SCAPER: variants seen among roughly 807,000 people sequenced by gnomAD.
The protein encoded by SCAPER is S phase cyclin A-associated protein in the endoplasmic reticulum.
A neutral mutation model predicts 182.2 loss-of-function variants in SCAPER; 98 were observed. The ratio of observed to expected loss-of-function variants is 0.54; its 90% CI spans 0.46 to 0.64. SCAPER has a LOEUF of 0.64. Ranked by LOEUF, SCAPER falls within the 30% of genes least tolerant of loss-of-function variation. SCAPER has a pLI of 0.00. For synonymous variants in SCAPER, 605 were observed against 564.6 expected (o/e 1.07, Z -1.01); for missense variants, 1,432 against 1,690.0 (o/e 0.85, Z 2.68).
rs376782412 is a variant in SCAPER, at chr15:76,872,527, G to A, written c.7-9994C>T. Among the ~76,000 whole-genome samples the A allele has an allele frequency of 1.1e-4, 16 of 151,918 alleles. No homozygotes were observed. In the East Asian group the frequency reaches 2.1e-3, roughly 20 times the overall value. The stretch of plus-strand genomic sequence containing the variant: ...TTTCCAACAAACGGACATGATAAAC[G>A]TCAGTAAACAGTGGAGCACCTTTAA... On this transcript the variant is annotated intron_variant, in intron 2 of 31. Transcript: ENST00000563290.
chr15:76,876,332 G>C (rs112405936), intron 2 of SCAPER, among the ~76,000 whole-genome samples: 1,796 of 151,746 alleles, frequency 0.012, 23 homozygotes, highest in African/African-American at 0.04. Context: ...GAGGCACCAA[G>C]AGTGAGCGAG....
chr15:76,491,002 A>G (rs2052243118), intron 24 of SCAPER, among the ~76,000 whole-genome samples: 1 of 152,188 alleles, frequency 6.6e-6, no homozygotes, highest in Non-Finnish European at 1.5e-5. Context: ...TAAGGACTAG[A>G]AGAGGCAGAG....
At chr15:76,439,094 T>C (rs915672159) in intron 25 of SCAPER, among the ~76,000 whole-genome samples, 1 of 152,094 alleles carries the variant, frequency 6.6e-6, no homozygotes, top group South Asian at 2.1e-4. Flanking sequence ...ATGATTTTTT[T>C]TTTTTTAAGA....
intron 5 of SCAPER, among the ~76,000 whole-genome samples, chr15:76,814,133 G>A (rs371502517): frequency 5.3e-5 from 8 of 151,972 alleles, no homozygotes; most frequent in Non-Finnish European, 7.4e-5. Context: ...ACGCCACCGC[G>A]CTCCAGCCTG....
intron 8 of SCAPER, among the ~76,000 whole-genome samples, chr15:76,785,506 G>T (rs1016506248): frequency 6.6e-6 from 1 of 152,158 alleles, no homozygotes; most frequent in African/African-American, 2.4e-5. Flanking sequence ...AATACCACTT[G>T]CCCAGCAATC....
chr15:76,678,482 C>T (rs2146959769), intron 20 of SCAPER, among the ~76,000 whole-genome samples: 1 of 152,130 alleles, frequency 6.6e-6, no homozygotes, highest in South Asian at 2.1e-4. Flanking sequence ...AGCACGACAA[C>T]AAATAAGATA....
chr15:76,798,141 C>T (rs1333589921), intron 7 of SCAPER, among the ~76,000 whole-genome samples: 4 of 152,094 alleles, frequency 2.6e-5, no homozygotes, highest in Non-Finnish European at 5.9e-5. Flanking sequence ...GGGTGGATCA[C>T]TTGAGGTCAG....
intron 29 of SCAPER, among the ~76,000 whole-genome samples, chr15:76,357,146 G>GACCACACAC (rs1283097202): frequency 2.8e-5 from 1 of 36,208 alleles, no homozygotes; most frequent in Non-Finnish European, 7.5e-5. Flanking sequence ...CCTTTTTATT[G>GACCACACAC]ACATCACACA....
chr15:76,722,907 T>A (rs1026428455), intron 17 of SCAPER, among the ~76,000 whole-genome samples: 1 of 152,058 alleles, frequency 6.6e-6, no homozygotes, highest in South Asian at 2.1e-4. Context: ...TTTTGAAGGG[T>A]TTTTTTGTGT....
intron 22 of SCAPER, among the ~76,000 whole-genome samples, chr15:76,610,662 G>C (rs2050896260): frequency 6.6e-6 from 1 of 151,822 alleles, no homozygotes; most frequent in Non-Finnish European, 1.5e-5. Context: ...AGGGAAATTG[G>C]AATAACAATT....
chr15:76,797,667 C>T (rs1482961547), intron 7 of SCAPER: 2 of 152,276 alleles, frequency 1.3e-5, no homozygotes, highest in South Asian at 2.1e-4. Context: ...GATTTATTGG[C>T]TCAAGGTATT....
intron 8 of SCAPER, among the ~76,000 whole-genome samples, chr15:76,793,676 T>A (rs1391284999): frequency 1.3e-5 from 2 of 152,246 alleles, no homozygotes; most frequent in Admixed American, 1.3e-4. Flanking sequence ...TCTTCATCTG[T>A]ATCCTTAGTA....
chr15:76,888,202 T>TA (rs1335008500), intron 1 of SCAPER, among the ~76,000 whole-genome samples: 9 of 152,270 alleles, frequency 5.9e-5, no homozygotes, highest in Admixed American at 1.3e-4. Flanking sequence ...CAAAGGTAGA[T>TA]AAAACCACAA....
At chr15:76,504,336 G>A (rs777887983) in intron 24 of SCAPER, among the ~76,000 whole-genome samples, 1 of 152,050 alleles carries the variant, frequency 6.6e-6, no homozygotes, top group Non-Finnish European at 1.5e-5. Context: ...GGACTAAAGG[G>A]GGACTTAAGA....
intron 28 of SCAPER, among the ~76,000 whole-genome samples, chr15:76,379,273 G>A (rs2042778111): frequency 1.3e-5 from 2 of 151,864 alleles, no homozygotes; most frequent in African/African-American, 4.8e-5. Context: ...GATAAGAGAG[G>A]AGAGACAGGA....
chr15:76,897,143 A>G (rs947405759), intron 1 of SCAPER, among the ~76,000 whole-genome samples: 2 of 152,162 alleles, frequency 1.3e-5, no homozygotes, highest in Admixed American at 6.5e-5. Flanking sequence ...AAGAAAGTAA[A>G]TGTGAAAAAA....
At chr15:76,876,243 G>A (rs1173944755) in intron 2 of SCAPER, among the ~76,000 whole-genome samples, 2 of 152,106 alleles carry the variant, frequency 1.3e-5, no homozygotes, top group Non-Finnish European at 2.9e-5. Flanking sequence ...GCCTCAACCA[G>A]CCCAGAGAGG....
intron 7 of SCAPER, 86 bp downstream of exon 7, chr15:76,800,162 T>TTTTTTTTTTTTTTTTTTG: frequency 1.4e-6 from 1 of 733,350 alleles, no homozygotes; most frequent in East Asian, 2.7e-5. Flanking sequence ...GATATTTTTA[T>TTTTTTTTTTTTTTTTTTG]AGTAGAATAT....
intron 23 of SCAPER, among the ~76,000 whole-genome samples, chr15:76,519,623 T>C (rs923333334): frequency 6.6e-6 from 1 of 152,206 alleles, no homozygotes; most frequent in Non-Finnish European, 1.5e-5. Flanking sequence ...GCTAAGAGCA[T>C]GGCCTATGAA....
Sources: allele counts gnomAD v4.1 joint callset (sites outside exome capture counted in the v4.1 genomes callset), GRCh38; gene constraint gnomAD v4.1.1; transcripts MANE v1.5; gene names NCBI Gene and HGNC (gene_info 2026-07-23, HGNC 2026-07-21).